FABP12: variants seen among roughly 807,000 people sequenced by gnomAD.
FABP12 encodes fatty acid binding protein 12.
A neutral mutation model predicts 13.7 loss-of-function variants in FABP12; 19 were observed. That is an observed-to-expected ratio of 1.39 (90% confidence interval 0.97 to 2.04). The LOEUF (loss-of-function observed/expected upper bound fraction) is 2.04, where lower values mean the gene tolerates loss of function less well. Ranked by LOEUF, FABP12 falls within the 30% of genes most tolerant of loss-of-function variation. The pLI is 0.00. For synonymous variants in FABP12, 61 were observed against 57.0 expected (o/e 1.07, Z -0.32); for missense variants, 182 against 164.2 (o/e 1.11, Z -0.59).
chr8:81,582,419 C>A (rs112044589), intron 1 of FABP12, among the ~76,000 whole-genome samples: 31 of 152,064 alleles, frequency 2.0e-4, no homozygotes, highest in Non-Finnish European at 4.1e-4. Flanking sequence ...CTGCACCCAG[C>A]CCTGGATTTT....
At chr8:81,536,768 T>G (rs1713376812), upstream of FABP12, among the ~76,000 whole-genome samples, 1 of 152,238 alleles carries the variant, frequency 6.6e-6, no homozygotes, top group South Asian at 2.1e-4. Context: ...GTTGGCAAAC[T>G]ATGACCCATA....
At chr8:81,572,924 T>TCCCAC (rs879859962) in intron 1 of FABP12, among the ~76,000 whole-genome samples, 4,292 of 152,290 alleles carry the variant, frequency 0.028, 97 homozygotes, top group Middle Eastern at 0.082. Flanking sequence ...CTAACTGTTC[T>TCCCAC]TTTGCCCTGC....
chr8:81,528,034 G>C (rs1407701064), intron 3 of FABP12, among the ~76,000 whole-genome samples: 1 of 152,032 alleles, frequency 6.6e-6, no homozygotes, highest in African/African-American at 2.4e-5. Flanking sequence ...AAGAAAGAAG[G>C]CCTCTTTCCT....
intron 1 of FABP12, among the ~76,000 whole-genome samples, chr8:81,567,155 A>T (rs1192535301): frequency 6.6e-6 from 1 of 152,220 alleles, no homozygotes; most frequent in Non-Finnish European, 1.5e-5. Flanking sequence ...ATTGAAGAGG[A>T]CACAAAAAAA....
At chr8:81,549,714 C>T (rs1397877671) in intron 1 of FABP12, among the ~76,000 whole-genome samples, 1 of 152,166 alleles carries the variant, frequency 6.6e-6, no homozygotes, top group Non-Finnish European at 1.5e-5. Flanking sequence ...GTACTAACCT[C>T]ATGTTCTGCT....
At chr8:81,547,917 A>G (rs1355392864) in intron 1 of FABP12, among the ~76,000 whole-genome samples, 1 of 152,238 alleles carries the variant, frequency 6.6e-6, no homozygotes, top group East Asian at 1.9e-4. Context: ...TGAGGCTTAG[A>G]GAAGTGAAAG....
intron 1 of FABP12, among the ~76,000 whole-genome samples, chr8:81,583,368 A>G (rs1268628714): frequency 3.9e-5 from 6 of 152,186 alleles, no homozygotes; most frequent in African/African-American, 1.4e-4. Flanking sequence ...AGCAGAACTG[A>G]ACAAAATAGA....
chr8:81,588,620 T>C (rs535935110), intron 1 of FABP12, among the ~76,000 whole-genome samples: 1 of 152,204 alleles, frequency 6.6e-6, no homozygotes, highest in East Asian at 1.9e-4. Context: ...TTTTCTTTTA[T>C]AGTTTGGATG....
intron 1 of FABP12, among the ~76,000 whole-genome samples, chr8:81,559,818 A>G (rs1809689437): frequency 6.6e-6 from 1 of 152,242 alleles, no homozygotes; most frequent in Admixed American, 6.5e-5. Flanking sequence ...ATTTGTCTAC[A>G]GGATGAAGTG....
chr8:81,529,663 C>T (rs1585834302), intron 2 of FABP12, 53 bp from the exon 3 acceptor site: 29 of 1,435,672 alleles, frequency 2.0e-5, no homozygotes, highest in East Asian at 9.1e-5. Context: ...ATTACAAATA[C>T]ATTACATTAC....
upstream of FABP12, among the ~76,000 whole-genome samples, chr8:81,538,142 C>T (rs1809268091): frequency 6.6e-6 from 1 of 152,074 alleles, no homozygotes; most frequent in African/African-American, 2.4e-5. Context: ...TTTAAACAAC[C>T]AGATCTTGTG....
intron 3 of FABP12, among the ~76,000 whole-genome samples, chr8:81,528,018 A>G (rs2129929234): frequency 6.6e-6 from 1 of 152,288 alleles, no homozygotes; most frequent in African/African-American, 2.4e-5. Flanking sequence ...ATATGAGCTT[A>G]CTTAAAAGAA....
chr8:81,544,308 C>G (rs1809400611), intron 1 of FABP12, among the ~76,000 whole-genome samples: 1 of 152,198 alleles, frequency 6.6e-6, no homozygotes, highest in African/African-American at 2.4e-5. Context: ...GAGATGTTGG[C>G]AGGGACATGC....
chr8:81,577,608 A>C (rs1181696844), intron 1 of FABP12, among the ~76,000 whole-genome samples: 1 of 152,084 alleles, frequency 6.6e-6, no homozygotes, highest in Non-Finnish European at 1.5e-5. Flanking sequence ...AAAACACAAA[A>C]AAATTAGCTG....
chr8:81,575,371 A>G (rs539685453), intron 1 of FABP12, among the ~76,000 whole-genome samples: 6 of 152,308 alleles, frequency 3.9e-5, no homozygotes, highest in Non-Finnish European at 8.8e-5. Context: ...TTTATGGCCT[A>G]TCATATGGTC....
intron 1 of FABP12, among the ~76,000 whole-genome samples, chr8:81,546,493 A>G (rs1215657340): frequency 6.8e-6 from 1 of 146,802 alleles, no homozygotes; most frequent in African/African-American, 2.6e-5. Context: ...GTCTACTAAA[A>G]ATACAAAAAA....
intron 1 of FABP12, among the ~76,000 whole-genome samples, chr8:81,562,274 G>A (rs1000817710): frequency 8.5e-5 from 13 of 152,164 alleles, no homozygotes; most frequent in African/African-American, 1.7e-4. Context: ...GTGGTACCCC[G>A]GCAGTATCAC....
intron 1 of FABP12, among the ~76,000 whole-genome samples, chr8:81,575,759 A>G (rs1384224509): frequency 6.6e-6 from 1 of 152,116 alleles, no homozygotes; most frequent in African/African-American, 2.4e-5. Context: ...GTTTTGTCTG[A>G]TATAAAAATA....
At chr8:81,537,607 G>A (rs1809253613), upstream of FABP12, among the ~76,000 whole-genome samples, 1 of 152,204 alleles carries the variant, frequency 6.6e-6, no homozygotes, top group Admixed American at 6.5e-5. Context: ...ATATCTGCAT[G>A]AGTCTCTTCT....
Sources: allele counts gnomAD v4.1 joint callset (sites outside exome capture counted in the v4.1 genomes callset), GRCh38; gene constraint gnomAD v4.1.1; transcripts MANE v1.5; gene names NCBI Gene and HGNC (gene_info 2026-07-23, HGNC 2026-07-21).